Variants in LRP1B observed in about 807,000 individuals in gnomAD.
LRP1B encodes LDL receptor related protein 1B, also known as low-density lipoprotein receptor-related protein 1B.
Under a neutral mutation model 556.6 loss-of-function variants are expected in LRP1B, and 217 were observed. The observed-to-expected ratio is 0.39, with a 90% CI of 0.35 to 0.44. The LOEUF (loss-of-function observed/expected upper bound fraction) is 0.44. Ranked by LOEUF, LRP1B falls within the 20% of genes least tolerant of loss-of-function variation. The probability of loss-of-function intolerance (pLI) is 1.00; values close to 1 mark genes in which losing one functional copy is unlikely to be tolerated. For missense variants in LRP1B, 5,053 were observed against 5,620.8 expected (o/e 0.90, Z 3.23); for synonymous variants, 2,047 against 1,865.8 (o/e 1.10, Z -2.50).
intron 1 of LRP1B, among the ~76,000 whole-genome samples, chr2:141,947,380 T>C (rs1010222735): frequency 3.3e-5 from 5 of 151,962 alleles, no homozygotes; most frequent in African/African-American, 1.2e-4. Flanking sequence ...GAGGTTGCAG[T>C]GAGCAGAGAT....
chr2:141,314,587 C>G (rs1686928447), intron 3 of LRP1B, among the ~76,000 whole-genome samples: 1 of 151,204 alleles, frequency 6.6e-6, no homozygotes, highest in Admixed American at 6.6e-5. Context: ...GTCAGGAGAT[C>G]GAGACCATCT....
At chr2:141,139,473 CTATATA>C (rs1048362047) in intron 7 of LRP1B, among the ~76,000 whole-genome samples, 28 of 150,852 alleles carry the variant, frequency 1.9e-4, no homozygotes, top group Non-Finnish European at 3.5e-4. Context: ...TTGGTGTATA[CTATATA>C]TAAAGAACAC....
chr2:140,719,927 A>C (rs1482963994), intron 35 of LRP1B, among the ~76,000 whole-genome samples: 2 of 152,100 alleles, frequency 1.3e-5, no homozygotes, highest in African/African-American at 4.8e-5. Flanking sequence ...GTTTGCTAAG[A>C]TAGGAAAACA....
At chr2:140,674,734 A>G (rs1685610866) in intron 41 of LRP1B, among the ~76,000 whole-genome samples, 1 of 152,144 alleles carries the variant, frequency 6.6e-6, no homozygotes, top group African/African-American at 2.4e-5. Context: ...GCCTCTGACC[A>G]TGGTCACTCA....
At chr2:141,670,551 A>C (rs1690627823) in intron 2 of LRP1B, among the ~76,000 whole-genome samples, 3 of 152,190 alleles carry the variant, frequency 2.0e-5, no homozygotes, top group African/African-American at 7.2e-5. Flanking sequence ...GTTGGATCAG[A>C]AGCATATGAT....
chr2:140,400,473 A>G (rs1183657397), intron 66 of LRP1B, among the ~76,000 whole-genome samples: 1 of 151,974 alleles, frequency 6.6e-6, no homozygotes, highest in Non-Finnish European at 1.5e-5. Context: ...CTCCCCTATT[A>G]GTGGTTTCTG....
intron 80 of LRP1B, 50 bp from the exon 81 acceptor site, chr2:140,324,116 C>A: frequency 9.0e-7 from 1 of 1,115,030 alleles, no homozygotes; most frequent in South Asian, 1.5e-5. Context: ...TATACTCAGA[C>A]TTTAAAAACT....
intron 1 of LRP1B, among the ~76,000 whole-genome samples, chr2:141,871,891 C>T (rs1254706358): frequency 6.6e-6 from 1 of 151,922 alleles, no homozygotes; most frequent in Non-Finnish European, 1.5e-5. Flanking sequence ...AAATACTAAA[C>T]ACTTCAAATG....
intron 2 of LRP1B, among the ~76,000 whole-genome samples, chr2:141,724,013 G>C (rs1692938519): frequency 6.6e-6 from 1 of 151,736 alleles, no homozygotes; most frequent in Non-Finnish European, 1.5e-5. Flanking sequence ...AAACGATAAA[G>C]TTAAATGATT....
At chr2:141,438,728 T>C (rs558766853) in intron 3 of LRP1B, among the ~76,000 whole-genome samples, 5 of 152,228 alleles carry the variant, frequency 3.3e-5, no homozygotes, top group South Asian at 2.1e-4. Flanking sequence ...GATGAATCAG[T>C]AGTGCCCACA....
intron 16 of LRP1B, among the ~76,000 whole-genome samples, chr2:140,993,777 A>G (rs962267514): frequency 1.3e-5 from 2 of 152,090 alleles, no homozygotes; most frequent in Admixed American, 1.3e-4. Context: ...AACTAAAATG[A>G]TAATATGAAG....
rs749179972 is a variant in LRP1B, at chr2:142,130,834, G to T, written c.-105C>A. On this transcript the variant is annotated 5_prime_UTR_variant, in exon 1 of 91. Transcript: ENST00000389484. ...GCCGCTTGGAGCCTGGAATCGAGCG[G>T]CGTCATTTACAAATGTCACTGGAAA... 1.2e-6 allele frequency: 1 copy of T among 861,264 alleles called. No individual in the cohort carries two copies. The highest frequency in any genetic ancestry group is 2.6e-5 in the East Asian group (1 of 37,842). The allele number at this position is 861,264 out of a possible 1,614,324, so 53.4% of individuals were successfully genotyped here. A position where few individuals can be genotyped will look rare whatever the true frequency, so the allele number is the denominator to read the frequency against.
At chr2:140,916,450 A>G (rs949750536) in intron 21 of LRP1B, among the ~76,000 whole-genome samples, 4 of 152,216 alleles carry the variant, frequency 2.6e-5, no homozygotes, top group Non-Finnish European at 4.4e-5. Flanking sequence ...TTTTCATTAC[A>G]TAGCAGATCA....
intron 11 of LRP1B, among the ~76,000 whole-genome samples, chr2:141,040,782 G>A (rs1351620251): frequency 6.6e-6 from 1 of 152,104 alleles, no homozygotes; most frequent in African/African-American, 2.4e-5. Context: ...AGATGCTGGG[G>A]ACAGGACTGA....
chr2:140,280,685 G>A (rs529635587), intron 84 of LRP1B, among the ~76,000 whole-genome samples: 8 of 151,770 alleles, frequency 5.3e-5, no homozygotes, highest in Non-Finnish European at 1.2e-4. Context: ...TGGTTACTGT[G>A]GCAAAAGCCT....
rs10664722 is a variant in LRP1B at position 141,055,802 on chromosome 2, A to ATGTGTGTGTGTG, written c.1409-555_1409-544dup. ...GTCATTTTGAGACTCTTACCACAAA[A>ATGTGTGTGTGTG]TGTGTGTGTGTGTGTGTGTGTGTGT... On this transcript the variant is annotated intron_variant, in intron 9 of 90. Transcript: ENST00000389484. Among the ~76,000 whole-genome samples, 556 of 145,544 alleles carry ATGTGTGTGTGTG rather than the reference A, an allele frequency of 3.8e-3. 2 individuals carry two copies. The highest frequency in any genetic ancestry group is 0.01 in the Middle Eastern group (3 of 292).
chr2:141,317,165 G>C (rs16845760), intron 3 of LRP1B, among the ~76,000 whole-genome samples: 15,803 of 152,172 alleles, frequency 0.1, 973 homozygotes, highest in African/African-American at 0.16. Flanking sequence ...CATTTCATAA[G>C]CTCTAGACCT....
At chr2:141,314,859 TATATATACATATATACATAC>T (rs1327888019) in intron 3 of LRP1B, among the ~76,000 whole-genome samples, 25 of 137,382 alleles carry the variant, frequency 1.8e-4, no homozygotes, top group African/African-American at 6.3e-4. Context: ...TATATATACA[TATATATACATATATACATAC>T]ATATATACAT....
chr2:141,138,641 T>C (rs760144316), intron 7 of LRP1B, among the ~76,000 whole-genome samples: 2 of 151,782 alleles, frequency 1.3e-5, no homozygotes, highest in South Asian at 2.1e-4. Flanking sequence ...CCATTGAACA[T>C]AGCATTGAAA....
Sources: allele counts gnomAD v4.1 joint callset (sites outside exome capture counted in the v4.1 genomes callset), GRCh38; gene constraint gnomAD v4.1.1; transcripts MANE v1.5; gene names NCBI Gene and HGNC (gene_info 2026-07-23, HGNC 2026-07-21).